CCDC146: variants seen among roughly 807,000 people sequenced by gnomAD.
CCDC146 encodes coiled-coil domain containing 146.
Under a neutral mutation model 119.3 loss-of-function variants are expected in CCDC146, and 92 were observed. That is an observed-to-expected ratio of 0.77 (90% CI 0.65 to 0.92). The LOEUF is 0.92. Ranked by LOEUF, CCDC146 falls within the 40% of genes least tolerant of loss-of-function variation. The pLI, the probability that CCDC146 is intolerant of heterozygous loss-of-function variation, is 0.00. For missense variants in CCDC146, 1,000 were observed against 1,103.0 expected (o/e 0.91, Z 1.32); for synonymous variants, 372 against 371.8 (o/e 1.00, Z -0.01).
At chr7:77,158,259 A>G (rs1320578139) in intron 1 of CCDC146, among the ~76,000 whole-genome samples, 2 of 152,326 alleles carry the variant, frequency 1.3e-5, no homozygotes, top group Middle Eastern at 3.4e-3. Context: ...AAAACTCAAT[A>G]AATATTTATT....
At position 77,287,121 on chromosome 7, in the gene CCDC146, G is replaced by T; in HGVS notation, c.2277+195G>T. 10 of 685,900 alleles carry T rather than the reference G, an allele frequency of 1.5e-5. No individual in the cohort carries two copies. In the South Asian group the frequency reaches 2.0e-4, roughly 14 times the overall value. 42.5% of individuals were successfully genotyped at this position (685,900 alleles called of 1,614,324 possible). A position where few individuals can be genotyped will look rare whatever the true frequency, so the allele number is the denominator to read the frequency against. On this transcript the variant is annotated intron_variant, in intron 16 of 18. Transcript: ENST00000285871. ...ACTTGCCAAAAGAAGTTCCAATCCA[G>T]TGGTTTCGAGATTCCAAAGGCACAT...
intron 9 of CCDC146, among the ~76,000 whole-genome samples, 158 bp downstream of exon 9, chr7:77,262,465 A>G (rs1039735776): frequency 2.0e-5 from 3 of 152,248 alleles, no homozygotes; most frequent in Admixed American, 6.5e-5. Context: ...TATGAAATCT[A>G]TAGTCCTATA....
intron 9 of CCDC146, among the ~76,000 whole-genome samples, chr7:77,267,003 T>A (rs992792167): frequency 5.1e-4 from 77 of 151,740 alleles, no homozygotes; most frequent in African/African-American, 1.7e-3. Flanking sequence ...TTTTTTTTTT[T>A]TTTTTTGAGA....
intron 2 of CCDC146, among the ~76,000 whole-genome samples, chr7:77,233,255 AT>A (rs532189139): frequency 1.3e-5 from 2 of 151,252 alleles, no homozygotes; most frequent in Admixed American, 6.6e-5. Context: ...TGCCCAGCTA[AT>A]TTTTTTTGTA....
chr7:77,252,491 G>T (rs191527848), intron 4 of CCDC146, among the ~76,000 whole-genome samples: 1 of 152,294 alleles, frequency 6.6e-6, no homozygotes, highest in Non-Finnish European at 1.5e-5. Context: ...GAATTGAAAT[G>T]CCATTACCAA....
At chr7:77,199,036 ATATT>A in intron 2 of CCDC146, 1 of 689,536 alleles carries the variant, frequency 1.5e-6, no homozygotes, top group Non-Finnish European at 2.4e-6. Flanking sequence ...ATTTGAGAAG[ATATT>A]TATTTTTTCC....
chr7:77,294,982 C>T lies in CCDC146; in HGVS notation c.*116C>T, dbSNP rs1280989914. ...ATATTATTGATAAGTAAGGTAACCA[C>T]AATTAGTCAGCAACAGAGTACAACA... is the stretch of plus-strand genomic sequence containing the variant. On this transcript the variant is annotated 3_prime_UTR_variant, in exon 19 of 19. Coordinates refer to ENST00000285871, the MANE Select transcript of CCDC146 (RefSeq NM_020879.3). The T allele has an allele frequency of 3.8e-6, 3 of 798,442 alleles. No homozygotes were observed. The highest frequency in any genetic ancestry group is 2.7e-5 in the Admixed American group (1 of 36,446). 49.5% of individuals were successfully genotyped at this position (798,442 alleles called of 1,614,324 possible). A position where few individuals can be genotyped will look rare whatever the true frequency, so the allele number is the denominator to read the frequency against.
intron 18 of CCDC146, among the ~76,000 whole-genome samples, chr7:77,294,371 GGT>G (rs949171802): frequency 2.2e-4 from 33 of 151,508 alleles, no homozygotes; most frequent in Admixed American, 1.2e-3. Flanking sequence ...GAGGTGTGGG[GGT>G]GTGTGTGTGT....
rs144452387 is a variant in CCDC146 at position 77,264,224 on chromosome 7, C to T, written c.1173+1917C>T. The stretch of plus-strand genomic sequence containing the variant: ...TAACATCAGTTACACTATCTTTTGG[C>T]GTGTTAGATTCTGCATGGTATTATT... On this transcript the variant is annotated intron_variant, in intron 9 of 18. Transcript: ENST00000285871. Among the ~76,000 whole-genome samples the T allele has an allele frequency of 2.5e-3, 384 of 151,940 alleles. 2 individuals carry two copies. The highest frequency in any genetic ancestry group is 4.5e-3 in the Non-Finnish European group (304 of 67,964).
rs1334665727 is a variant in CCDC146, at chr7:77,254,561, G to T, written c.505G>T (p.Gly169Ter). Residue 169 changes from glycine to a stop codon, truncating the protein, a stop_gained and splice_region_variant, in exon 5 of 19, where the codon GGA becomes TGA. Transcript: ENST00000285871. LOFTEE classifies it high-confidence loss of function. ...AGAATTTGAGAAGATAACAAAGCCA[G>T]GAGTAAGTCTTAGATGATATAGAGT... ...VKEFEKITKPGEMEKKMKILR... is the reference protein window; with the variant it reads ...VKEFEKITKP 6 of 1,511,634 alleles carry T rather than the reference G, an allele frequency of 4.0e-6. No homozygotes were observed. The highest frequency in any genetic ancestry group is 5.5e-6 in the Non-Finnish European group (6 of 1,092,152). The allele number at this position is 1,511,634 out of a possible 1,614,324, so 93.6% of individuals were successfully genotyped here.
chr7:77,128,375 AT>A (rs1468442364), intron 1 of CCDC146, among the ~76,000 whole-genome samples: 1 of 151,972 alleles, frequency 6.6e-6, no homozygotes, highest in Non-Finnish European at 1.5e-5. Flanking sequence ...ATTTCCTTTT[AT>A]TTTTGCTTCA....
chr7:77,288,319 T>A (rs973385435), intron 17 of CCDC146, among the ~76,000 whole-genome samples: 5 of 152,234 alleles, frequency 3.3e-5, no homozygotes, highest in Non-Finnish European at 7.3e-5. Context: ...GCTGGGTAAC[T>A]GATAAAGAAA....
At chr7:77,274,343 A>T in intron 10 of CCDC146, 139 bp from the exon 11 acceptor site, 1 of 550,316 alleles carries the variant, frequency 1.8e-6, no homozygotes, top group Non-Finnish European at 3.1e-6. Context: ...GGCTTGAATT[A>T]CAGGCGTGAG....
At chr7:77,290,143 A>G (rs1178108922) in intron 17 of CCDC146, among the ~76,000 whole-genome samples, 1 of 151,526 alleles carries the variant, frequency 6.6e-6, no homozygotes, top group Non-Finnish European at 1.5e-5. Context: ...TCACAAGGAC[A>G]AAAAACCAAA....
chr7:77,178,531 C>T (rs1040795069), intron 2 of CCDC146, among the ~76,000 whole-genome samples: 12 of 152,132 alleles, frequency 7.9e-5, no homozygotes, highest in Non-Finnish European at 1.6e-4. Context: ...CTCTCTTCTC[C>T]TTTATCCTTT....
intron 1 of CCDC146, among the ~76,000 whole-genome samples, chr7:77,157,429 T>C (rs1377818929): frequency 6.6e-6 from 1 of 150,546 alleles, no homozygotes; most frequent in Non-Finnish European, 1.5e-5. Flanking sequence ...ATTTGGTTTT[T>C]ACACATGCTC....
chr7:77,226,852 A>T (rs1176048288), intron 2 of CCDC146, among the ~76,000 whole-genome samples: 1 of 152,208 alleles, frequency 6.6e-6, no homozygotes, highest in African/African-American at 2.4e-5. Context: ...AAGCATTTTT[A>T]TCTGCTAGAA....
chr7:77,123,302 G>T (rs181373690), intron 1 of CCDC146, among the ~76,000 whole-genome samples: 1 of 151,444 alleles, frequency 6.6e-6, no homozygotes, highest in East Asian at 1.9e-4. Context: ...AGGGACAAGG[G>T]TCAGATTATT....
At chr7:77,230,440 C>T (rs531266890) in intron 2 of CCDC146, among the ~76,000 whole-genome samples, 26 of 151,904 alleles carry the variant, frequency 1.7e-4, no homozygotes, top group South Asian at 1.5e-3. Flanking sequence ...TCTTTATTTC[C>T]TCTTCCTATT....
Sources: allele counts gnomAD v4.1 joint callset (sites outside exome capture counted in the v4.1 genomes callset), GRCh38; gene constraint gnomAD v4.1.1; transcripts MANE v1.5; gene names NCBI Gene and HGNC (gene_info 2026-07-23, HGNC 2026-07-21).